TCF12: variants seen among roughly 807,000 people sequenced by gnomAD.
TCF12 encodes DNA-binding protein HTF4.
A neutral mutation model predicts 86.0 loss-of-function variants in TCF12; 45 were observed. The ratio of observed to expected loss-of-function variants is 0.52; its 90% CI spans 0.41 to 0.67. The LOEUF is 0.67. Ranked by LOEUF, TCF12 falls within the 30% of genes least tolerant of loss-of-function variation. TCF12 has a pLI of 0.00. For synonymous variants in TCF12, 330 were observed against 299.6 expected, an observed-to-expected ratio of 1.10 and a Z score of -1.05; for missense variants, 881 against 859.9, an observed-to-expected ratio of 1.02 and a Z score of -0.31.
At chr15:56,935,604 G>T (rs1243324158) in intron 3 of TCF12, among the ~76,000 whole-genome samples, 2 of 152,140 alleles carry the variant, frequency 1.3e-5, no homozygotes, top group African/African-American at 4.8e-5. Context: ...AACACAATAT[G>T]TAGTCTTTTA....
intron 5 of TCF12, among the ~76,000 whole-genome samples, chr15:57,146,872 C>T (rs1328560966): frequency 5.3e-5 from 8 of 151,866 alleles, no homozygotes; most frequent in Middle Eastern, 3.4e-3. Flanking sequence ...TTTAGGTCTG[C>T]GGTGGGGAAA....
chr15:57,221,362 G>A (rs1010547401), intron 8 of TCF12, among the ~76,000 whole-genome samples: 7 of 138,464 alleles, frequency 5.1e-5, no homozygotes, highest in African/African-American at 1.9e-4. Flanking sequence ...GTCTGAACAT[G>A]GTATGTGGGT....
intron 3 of TCF12, among the ~76,000 whole-genome samples, chr15:56,977,794 A>G (rs2062686343): frequency 6.6e-6 from 1 of 152,196 alleles, no homozygotes; most frequent in African/African-American, 2.4e-5. Context: ...TACTGATGTT[A>G]GGATACTTCT....
chr15:57,018,938 A>G (rs2141234188), intron 3 of TCF12, among the ~76,000 whole-genome samples: 1 of 152,324 alleles, frequency 6.6e-6, no homozygotes, highest in Non-Finnish European at 1.5e-5. Context: ...GTTGATAAAA[A>G]TCTAGAATGG....
At chr15:57,110,821 G>A in intron 5 of TCF12, among the ~76,000 whole-genome samples, 1 of 152,134 alleles carries the variant, frequency 6.6e-6, no homozygotes, top group East Asian at 1.9e-4. Flanking sequence ...AATGCCAACT[G>A]ATGTTAAAAA....
intron 3 of TCF12, among the ~76,000 whole-genome samples, chr15:56,997,337 T>C (rs1453723766): frequency 6.6e-6 from 1 of 152,134 alleles, no homozygotes; most frequent in Admixed American, 6.5e-5. Context: ...ATGGATGCAG[T>C]TGAGAATCAT....
intron 18 of TCF12, 104 bp downstream of exon 18, chr15:57,263,378 A>G: frequency 5.8e-6 from 7 of 1,211,560 alleles, no homozygotes; most frequent in Non-Finnish European, 5.8e-6. Flanking sequence ...TATGTTCTAG[A>G]TATTGTGTTA....
chr15:56,953,767 T>C (rs776860676), intron 3 of TCF12, among the ~76,000 whole-genome samples: 2 of 151,968 alleles, frequency 1.3e-5, no homozygotes, highest in African/African-American at 4.8e-5. Context: ...GTGATGTTAC[T>C]GCTCTTATTC....
chr15:57,027,933 A>G (rs925661224), intron 3 of TCF12, among the ~76,000 whole-genome samples: 6 of 151,918 alleles, frequency 3.9e-5, no homozygotes, highest in Admixed American at 3.3e-4. Flanking sequence ...CTCCCTAGGC[A>G]TGTGGAACTG....
At chr15:56,957,484 T>C (rs1272759979) in intron 3 of TCF12, among the ~76,000 whole-genome samples, 1 of 152,236 alleles carries the variant, frequency 6.6e-6, no homozygotes, top group Non-Finnish European at 1.5e-5. Context: ...TCTTCCACAA[T>C]GTTTAATTAG....
chr15:57,000,337 G>A (rs1416283779), intron 3 of TCF12, among the ~76,000 whole-genome samples: 1 of 121,144 alleles, frequency 8.3e-6, no homozygotes, highest in African/African-American at 3.0e-5. Flanking sequence ...ACTGCACCTG[G>A]CCAGAAGTCT....
At chr15:57,258,678 G>A (rs1440761859) in intron 16 of TCF12, among the ~76,000 whole-genome samples, 2 of 152,088 alleles carry the variant, frequency 1.3e-5, no homozygotes. Flanking sequence ...GTTAAGGGGT[G>A]GTTGAAGAAG....
intron 3 of TCF12, among the ~76,000 whole-genome samples, chr15:56,931,599 A>T (rs1198260067): frequency 6.6e-6 from 1 of 152,166 alleles, no homozygotes; most frequent in Non-Finnish European, 1.5e-5. Context: ...GTCTTTGGTA[A>T]ACTTTATTCT....
intron 20 of TCF12, among the ~76,000 whole-genome samples, chr15:57,285,080 A>T: frequency 6.6e-6 from 1 of 152,256 alleles, no homozygotes; most frequent in Non-Finnish European, 1.5e-5. Flanking sequence ...TCATAAAGAT[A>T]GTTATCTGGT....
intron 3 of TCF12, among the ~76,000 whole-genome samples, chr15:57,033,895 A>T (rs1422037261): frequency 1.3e-5 from 2 of 152,198 alleles, no homozygotes; most frequent in African/African-American, 4.8e-5. Context: ...GATATGATGA[A>T]TTGACATGTA....
chr15:57,152,690 CA>C (rs2053849618), intron 5 of TCF12, among the ~76,000 whole-genome samples: 1 of 151,942 alleles, frequency 6.6e-6, no homozygotes, highest in African/African-American at 2.4e-5. Flanking sequence ...ATCAGAGCTG[CA>C]GGACAGTATC....
chr15:56,950,777 T>TG (rs2061235740), intron 3 of TCF12, among the ~76,000 whole-genome samples: 1 of 99,844 alleles, frequency 1.0e-5, no homozygotes, highest in Admixed American at 1.2e-4. Context: ...TTTTTTTAAG[T>TG]TAGAGTTTTG....
chr15:57,052,443 C>G (rs1348754962), intron 3 of TCF12, among the ~76,000 whole-genome samples: 1 of 151,880 alleles, frequency 6.6e-6, no homozygotes, highest in Non-Finnish European at 1.5e-5. Context: ...TTAAAGACAG[C>G]CTGGCTAACA....
chr15:57,070,741 G>A (rs555889556), intron 4 of TCF12, among the ~76,000 whole-genome samples: 5 of 152,152 alleles, frequency 3.3e-5, no homozygotes, highest in Admixed American at 6.5e-5. Flanking sequence ...TTAGAAATAG[G>A]ATAATAGAAC....
Sources: allele counts gnomAD v4.1 joint callset (sites outside exome capture counted in the v4.1 genomes callset), GRCh38; gene constraint gnomAD v4.1.1; transcripts MANE v1.5; gene names NCBI Gene and HGNC (gene_info 2026-07-23, HGNC 2026-07-21).